The following RBMS3 variants were observed in gnomAD, a reference collection of about 807,000 sequenced individuals.
RBMS3 encodes the protein RNA-binding motif, single-stranded-interacting protein 3.
In RBMS3, 27 loss-of-function variants were observed where a neutral mutation model predicts 66.8. The ratio of observed to expected loss-of-function variants is 0.40; its 90% CI spans 0.30 to 0.56. The LOEUF is 0.56. RBMS3 is among the 20% of genes least tolerant of loss of function. The pLI, the probability that RBMS3 is intolerant of heterozygous loss-of-function variation, is 0.40. For synonymous variants in RBMS3, 188 were observed against 183.0 expected (o/e 1.03, Z -0.22); for missense variants, 513 against 549.5 (o/e 0.93, Z 0.66).
chr3:29,647,273 A>T (rs1391631982), intron 4 of RBMS3, among the ~76,000 whole-genome samples: 3 of 152,126 alleles, frequency 2.0e-5, no homozygotes, highest in Admixed American at 2.0e-4. Flanking sequence ...GCCACCGTGC[A>T]CGGCCTCTTT....
chr3:29,829,412 G>T (rs573150580), intron 6 of RBMS3, among the ~76,000 whole-genome samples: 36 of 152,068 alleles, frequency 2.4e-4, no homozygotes, highest in Non-Finnish European at 4.3e-4. Context: ...TGTAAAACTC[G>T]CTGAACATAC....
intron 6 of RBMS3, among the ~76,000 whole-genome samples, chr3:29,827,929 A>G (rs889884278): frequency 6.6e-6 from 1 of 152,202 alleles, no homozygotes; most frequent in Admixed American, 6.6e-5. Context: ...GTAACCTCAT[A>G]GCATCCAGAC....
intron 5 of RBMS3, among the ~76,000 whole-genome samples, chr3:29,744,632 A>T (rs2054795495): frequency 6.6e-6 from 1 of 152,112 alleles, no homozygotes; most frequent in Non-Finnish European, 1.5e-5. Context: ...AAATACAAAA[A>T]AATTAGCCAG....
intron 10 of RBMS3, among the ~76,000 whole-genome samples, chr3:29,913,250 A>G (rs1322271339): frequency 6.6e-6 from 1 of 152,004 alleles, no homozygotes; most frequent in Admixed American, 6.6e-5. Flanking sequence ...GCATCAGATA[A>G]AGCTGATATC....
intron 4 of RBMS3, among the ~76,000 whole-genome samples, chr3:29,702,902 A>G (rs1249504509): frequency 6.6e-6 from 1 of 152,222 alleles, no homozygotes; most frequent in Non-Finnish European, 1.5e-5. Flanking sequence ...GAAGTCAGTG[A>G]GACCAAGAAC....
At chr3:29,763,649 A>T (rs187455449) in intron 6 of RBMS3, among the ~76,000 whole-genome samples, 2 of 152,230 alleles carry the variant, frequency 1.3e-5, no homozygotes, top group African/African-American at 4.8e-5. Context: ...ATTTTATGCT[A>T]TTAAGAATTG....
At chr3:29,417,799 C>T (rs1331199871) in intron 1 of RBMS3, among the ~76,000 whole-genome samples, 2 of 148,822 alleles carry the variant, frequency 1.3e-5, no homozygotes, top group Non-Finnish European at 3.0e-5. Flanking sequence ...TCAGAAGTGA[C>T]ACAATCCGGT....
At chr3:29,299,162 T>G (rs1440969365) in intron 1 of RBMS3, among the ~76,000 whole-genome samples, 1 of 151,858 alleles carries the variant, frequency 6.6e-6, no homozygotes. Flanking sequence ...GCATTTGGTA[T>G]ATTGCTTAAG....
At chr3:29,423,369 T>C (rs1008169549) in intron 1 of RBMS3, among the ~76,000 whole-genome samples, 5 of 152,208 alleles carry the variant, frequency 3.3e-5, no homozygotes, top group African/African-American at 1.2e-4. Flanking sequence ...TATTTTTACT[T>C]CCTACAAATC....
intron 1 of RBMS3, among the ~76,000 whole-genome samples, chr3:29,406,842 A>C (rs553333051): frequency 4.6e-4 from 70 of 152,360 alleles, no homozygotes; most frequent in African/African-American, 1.6e-3. Flanking sequence ...TGAAATTGTT[A>C]AGTAGTAAAA....
At chr3:29,295,268 G>A (rs2033145717) in intron 1 of RBMS3, among the ~76,000 whole-genome samples, 1 of 122,902 alleles carries the variant, frequency 8.1e-6, no homozygotes, top group Non-Finnish European at 1.7e-5. Flanking sequence ...CCCAATTGCA[G>A]AAAATTATAT....
intron 1 of RBMS3, chr3:29,391,024 T>C: frequency 2.5e-6 from 1 of 394,958 alleles, no homozygotes; most frequent in South Asian, 2.1e-5. Context: ...ATGAGCTTTG[T>C]ATGTCAAGTT....
chr3:29,517,689 G>A (rs2044699443), intron 3 of RBMS3, among the ~76,000 whole-genome samples: 1 of 152,316 alleles, frequency 6.6e-6, no homozygotes, highest in East Asian at 1.9e-4. Context: ...CTATTGGACA[G>A]TATGATTTTC....
At chr3:29,810,102 G>A (rs1302233306) in intron 6 of RBMS3, among the ~76,000 whole-genome samples, 4 of 151,986 alleles carry the variant, frequency 2.6e-5, no homozygotes, top group Non-Finnish European at 5.9e-5. Flanking sequence ...GTTCATTATA[G>A]TATACGCTTT....
chr3:29,540,449 G>A (rs2045715662), intron 3 of RBMS3, among the ~76,000 whole-genome samples: 2 of 152,054 alleles, frequency 1.3e-5, no homozygotes, highest in African/African-American at 4.8e-5. Flanking sequence ...AAGAAGCAGT[G>A]GTTCCACCTA....
chr3:29,455,480 G>T (rs1007290115), intron 2 of RBMS3, among the ~76,000 whole-genome samples: 1 of 151,602 alleles, frequency 6.6e-6, no homozygotes, highest in Non-Finnish European at 1.5e-5. Flanking sequence ...TGTGGAAAGT[G>T]TAGGGTAAGA....
chr3:29,566,860 T>C (rs1234277983), intron 3 of RBMS3, among the ~76,000 whole-genome samples: 2 of 152,054 alleles, frequency 1.3e-5, no homozygotes, highest in Non-Finnish European at 1.5e-5. Flanking sequence ...CTGTCAAAAC[T>C]CAACAAACTG....
At chr3:29,613,949 C>T (rs781393568) in intron 4 of RBMS3, among the ~76,000 whole-genome samples, 52 of 152,038 alleles carry the variant, frequency 3.4e-4, no homozygotes, top group Middle Eastern at 3.4e-3. Context: ...ATTGAACTAC[C>T]ATGTGATCCA....
intron 5 of RBMS3, among the ~76,000 whole-genome samples, chr3:29,757,723 A>G (rs919712635): frequency 2.0e-5 from 3 of 152,232 alleles, no homozygotes; most frequent in African/African-American, 7.2e-5. Context: ...AGCCATAATG[A>G]TAATATAGAT....
Sources: allele counts gnomAD v4.1 joint callset (sites outside exome capture counted in the v4.1 genomes callset), GRCh38; gene constraint gnomAD v4.1.1; transcripts MANE v1.5; gene names NCBI Gene and HGNC (gene_info 2026-07-23, HGNC 2026-07-21).